PADI1: variants seen among roughly 807,000 people sequenced by gnomAD.
The protein encoded by PADI1 is peptidyl arginine deiminase 1.
PADI1 carries 65 observed loss-of-function variants against 74.8 expected under a neutral mutation model. That is an observed-to-expected ratio of 0.87 (90% confidence interval 0.71 to 1.07). The LOEUF is 1.07. Among genes scored for constraint, PADI1 ranks in the 50% least tolerant of loss-of-function variants. The pLI is 0.00. For synonymous variants in PADI1, 371 were observed against 336.2 expected, an observed-to-expected ratio of 1.10 and a Z score of -1.13; for missense variants, 943 against 854.0, an observed-to-expected ratio of 1.10 and a Z score of -1.30.
At chr1:17,224,614 C>T (rs756987512) in intron 4 of PADI1, among the ~76,000 whole-genome samples, 186 bp downstream of exon 4, 12 of 152,138 alleles carry the variant, frequency 7.9e-5, no homozygotes, top group Non-Finnish European at 1.5e-4. Flanking sequence ...ACCCTGTAAC[C>T]GACATGCTGT....
intron 1 of PADI1, among the ~76,000 whole-genome samples, chr1:17,219,333 G>A (rs1457138955): frequency 2.0e-5 from 3 of 152,140 alleles, no homozygotes; most frequent in African/African-American, 7.2e-5. Context: ...AGAGGACTCA[G>A]CCTTCAAAGG....
chr1:17,220,286 G>C (rs2072102408), intron 1 of PADI1, among the ~76,000 whole-genome samples: 1 of 152,134 alleles, frequency 6.6e-6, no homozygotes, highest in Non-Finnish European at 1.5e-5. Flanking sequence ...TTGGAATTAG[G>C]ACTGTTGTCA....
At chr1:17,237,991 C>T (rs970788357) in intron 12 of PADI1, among the ~76,000 whole-genome samples, 1 of 152,142 alleles carries the variant, frequency 6.6e-6, no homozygotes, top group Non-Finnish European at 1.5e-5. Context: ...TACAGCTCTG[C>T]TAGGGACAGC....
chr1:17,232,701 T>C (rs4268393), intron 10 of PADI1, 118 bp from the exon 11 acceptor site: 212,446 of 784,544 alleles, frequency 0.27, 30,641 homozygotes, highest in African/African-American at 0.41. Flanking sequence ...GTTTTTCAGG[T>C]ACTAAGAGCC....
At chr1:17,230,286 A>T in intron 9 of PADI1, 78 bp downstream of exon 9, 2 of 1,535,692 alleles carry the variant, frequency 1.3e-6, no homozygotes, top group Non-Finnish European at 1.8e-6. Context: ...TGATGGACCC[A>T]GTGTCGCTAG....
At chr1:17,207,655 T>C (rs1483387351) in intron 1 of PADI1, among the ~76,000 whole-genome samples, 4 of 152,156 alleles carry the variant, frequency 2.6e-5, no homozygotes, top group Non-Finnish European at 5.9e-5. Flanking sequence ...TAAAGCTCCT[T>C]AGCGTCCTCA....
intron 1 of PADI1, among the ~76,000 whole-genome samples, chr1:17,218,044 T>A (rs1482001889): frequency 6.6e-6 from 1 of 152,228 alleles, no homozygotes; most frequent in African/African-American, 2.4e-5. Flanking sequence ...TATTCGTGAA[T>A]GCCAACAAAA....
At chr1:17,237,594 G>A in intron 12 of PADI1, 136 bp downstream of exon 12, 4 of 767,688 alleles carry the variant, frequency 5.2e-6, no homozygotes, top group Non-Finnish European at 7.8e-6. Context: ...TTCTGGGTCA[G>A]GGCACCCTGA....
chr1:17,222,248 G>T (rs1192024529), intron 1 of PADI1, 42 bp from the exon 2 acceptor site: 2 of 1,513,666 alleles, frequency 1.3e-6, no homozygotes, highest in Non-Finnish European at 1.8e-6. Context: ...CCTGAAGAGA[G>T]ATGGGAAGAC....
rs754722497 is a variant in PADI1, at chr1:17,245,004, C to G, written c.*761C>G. 1 of 165,160 alleles carries G rather than the reference C, an allele frequency of 6.1e-6. No homozygotes were observed. Among genetic ancestry groups the G allele is most frequent in the Admixed American group, 5.7e-5 (1 of 17,406 alleles). 10.2% of individuals were successfully genotyped at this position (165,160 alleles called of 1,614,324 possible). On this transcript the variant is annotated 3_prime_UTR_variant, in exon 16 of 16. Coordinates refer to ENST00000375471, the MANE Select transcript of PADI1 (RefSeq NM_013358.3). The surrounding 1 kb of genome is among the most constrained non-coding windows in gnomAD (Gnocchi z 4.1). ...AGGCCTGAGGACACACAAAGGATGA[C>G]GGGGCAGGAGGGGATGAGGTCAGGG... is the stretch of plus-strand genomic sequence containing the variant.
At chr1:17,222,169 C>T in intron 1 of PADI1, 121 bp from the exon 2 acceptor site, 1 of 681,212 alleles carries the variant, frequency 1.5e-6, no homozygotes, top group Non-Finnish European at 2.6e-6. Flanking sequence ...GCCTCCCCAG[C>T]CTGACTGTTG....
intron 1 of PADI1, among the ~76,000 whole-genome samples, chr1:17,208,947 A>G (rs1481819300): frequency 3.3e-5 from 5 of 152,170 alleles, no homozygotes; most frequent in African/African-American, 9.6e-5. Flanking sequence ...CTTTCCCCCA[A>G]GCCTTCCCCA....
At chr1:17,226,607 A>G (rs2072319746) in intron 6 of PADI1, among the ~76,000 whole-genome samples, 1 of 152,136 alleles carries the variant, frequency 6.6e-6, no homozygotes. Flanking sequence ...CAGAGTTTTT[A>G]TTAATCAGCC....
intron 4 of PADI1, among the ~76,000 whole-genome samples, chr1:17,225,111 G>A (rs908919017): frequency 6.6e-6 from 1 of 152,172 alleles, no homozygotes; most frequent in East Asian, 1.9e-4. Flanking sequence ...CCCAGAGGGT[G>A]GGCAAGAGTG....
intron 1 of PADI1, among the ~76,000 whole-genome samples, chr1:17,212,752 C>G (rs2071866127): frequency 1.3e-5 from 2 of 152,220 alleles, no homozygotes. Flanking sequence ...ACCTCCAAGG[C>G]CCGTCTCTGA....
intron 1 of PADI1, among the ~76,000 whole-genome samples, chr1:17,211,304 G>C (rs1288231560): frequency 1.3e-5 from 2 of 152,050 alleles, no homozygotes; most frequent in Admixed American, 1.3e-4. Flanking sequence ...CCGCCTCCCA[G>C]GTTGAAGCAA....
chr1:17,239,854 G>A, intron 14 of PADI1, 71 bp downstream of exon 14: 1 of 1,283,842 alleles, frequency 7.8e-7, no homozygotes, highest in Non-Finnish European at 1.1e-6. Flanking sequence ...CCAGGAACTG[G>A]GTTGGGTCAG....
chr1:17,218,471 G>C (rs1395164319), intron 1 of PADI1, among the ~76,000 whole-genome samples: 5 of 152,146 alleles, frequency 3.3e-5, no homozygotes, highest in African/African-American at 9.7e-5. Flanking sequence ...AGTCAGAGGA[G>C]AGCAAGCAGA....
Position 17,207,673 on chromosome 1 carries a change from G to A in PADI1, c.92+2364G>A, listed in dbSNP as rs191234685. ...AGCTCCTTAGCGTCCTCAAATGCAG[G>A]CCCTGGCCCAGCGGAGGGGCAACGG... is the stretch of plus-strand genomic sequence containing the variant. On this transcript the variant is annotated intron_variant, in intron 1 of 15. Coordinates refer to ENST00000375471, the MANE Select transcript of PADI1 (RefSeq NM_013358.3). Among the ~76,000 whole-genome samples, 14 of 152,340 alleles carry A rather than the reference G, an allele frequency of 9.2e-5. No individual in the cohort carries two copies. The East Asian group carries it at 2.7e-3, about 29-fold the overall frequency.
Sources: allele counts gnomAD v4.1 joint callset (sites outside exome capture counted in the v4.1 genomes callset), GRCh38; gene constraint gnomAD v4.1.1; non-coding constraint Gnocchi (gnomAD v3.1); transcripts MANE v1.5; gene names NCBI Gene and HGNC (gene_info 2026-07-23, HGNC 2026-07-21).